COL4A5: variants seen among roughly 807,000 people sequenced by gnomAD.
COL4A5 encodes the protein collagen alpha-5(IV) chain.
In COL4A5, 26 loss-of-function variants were observed where a neutral mutation model predicts 130.2. That is an observed-to-expected ratio of 0.20 (90% CI 0.15 to 0.28). The LOEUF (loss-of-function observed/expected upper bound fraction) is 0.28, where lower values mean the gene tolerates loss of function less well. Among genes scored for constraint, COL4A5 ranks in the 10% least tolerant of loss-of-function variants. The pLI is 1.00. For synonymous variants in COL4A5, 496 were observed against 439.6 expected (o/e 1.13, Z -1.60); for missense variants, 1,131 against 1,344.3 (o/e 0.84, Z 2.48).
chrX:108,488,458 C>T (rs1345926563), intron 1 of COL4A5, among the ~76,000 whole-genome samples: 1 of 112,202 alleles, frequency 8.9e-6, no homozygotes, highest in Non-Finnish European at 1.9e-5. Flanking sequence ...AGAAATGGAG[C>T]TGTTGGGTTG....
chrX:108,522,362 G>A (rs143771638), intron 1 of COL4A5, among the ~76,000 whole-genome samples: 4,391 of 106,304 alleles, frequency 0.041, 228 homozygotes, highest in African/African-American at 0.14. Context: ...GGAACTGCCC[G>A]ACTTTTATAA....
At chrX:108,613,066 A>C (rs1170538726) in intron 29 of COL4A5, among the ~76,000 whole-genome samples, 1 of 112,203 alleles carries the variant, frequency 8.9e-6, no homozygotes, top group Non-Finnish European at 1.9e-5. Context: ...TATGCAAAAA[A>C]AAATATAAAC....
intron 17 of COL4A5, 131 bp from the exon 18 acceptor site, chrX:108,584,353 T>C: frequency 1.8e-6 from 1 of 555,738 alleles, no homozygotes; most frequent in South Asian, 2.7e-5. Flanking sequence ...CATTACTTCA[T>C]GTTGCATTTC....
intron 47 of COL4A5, 63 bp downstream of exon 47, chrX:108,681,951 G>C: frequency 9.5e-7 from 1 of 1,053,120 alleles, no homozygotes; most frequent in African/African-American, 1.8e-5. Context: ...TACATGTGCA[G>C]AATGTACAGG....
chrX:108,572,473 T>A (rs1177627003), intron 8 of COL4A5, among the ~76,000 whole-genome samples: 1 of 111,531 alleles, frequency 9.0e-6, no homozygotes, highest in Non-Finnish European at 1.9e-5. Flanking sequence ...ATATGTTATG[T>A]ACACTTTTAC....
intron 47 of COL4A5, among the ~76,000 whole-genome samples, 155 bp from the exon 48 acceptor site, chrX:108,685,876 T>G (rs1168281489): frequency 1.8e-5 from 2 of 112,349 alleles, no homozygotes; most frequent in Non-Finnish European, 3.8e-5. Context: ...CTTGTTGGCT[T>G]CTTTGGTCCT....
At chrX:108,574,417 G>T (rs1423741769) in intron 9 of COL4A5, among the ~76,000 whole-genome samples, 1 of 111,355 alleles carries the variant, frequency 9.0e-6, no homozygotes, top group Non-Finnish European at 1.9e-5. Flanking sequence ...CAAAATATAT[G>T]TATGTTATGA....
intron 17 of COL4A5, 35 bp downstream of exon 17, chrX:108,582,972 G>T (rs1437901169): frequency 9.2e-7 from 1 of 1,083,858 alleles, no homozygotes; most frequent in African/African-American, 1.8e-5. Flanking sequence ...GACTGGTTTA[G>T]TCTAGCTAAA....
At chrX:108,606,039 C>T (rs921676243) in intron 28 of COL4A5, among the ~76,000 whole-genome samples, 3 of 111,634 alleles carry the variant, frequency 2.7e-5, no homozygotes, top group South Asian at 3.7e-4. Context: ...TTTATCTCTG[C>T]GTCATTGATT....
chrX:108,564,464 G>T (rs1278467406), intron 4 of COL4A5, among the ~76,000 whole-genome samples: 1 of 111,959 alleles, frequency 8.9e-6, no homozygotes, highest in Non-Finnish European at 1.9e-5. Flanking sequence ...CAAGTCTTGA[G>T]GCTCTGAAAA....
chrX:108,609,765 G>T (rs2066797090), intron 29 of COL4A5, among the ~76,000 whole-genome samples: 2 of 110,721 alleles, frequency 1.8e-5, no homozygotes, highest in African/African-American at 6.5e-5. Flanking sequence ...AGCATCATTT[G>T]TTTAAAATAA....
intron 50 of COL4A5, 96 bp from the exon 51 acceptor site, chrX:108,694,711 C>G: frequency 1.6e-6 from 1 of 640,194 alleles, no homozygotes; most frequent in South Asian, 2.2e-5. Flanking sequence ...AGACATTAAT[C>G]GGCTTCCATA....
chrX:108,573,601 T>C lies in COL4A5; in HGVS notation c.493T>C (p.Ser165Pro), dbSNP rs757322275. 1 of 1,205,111 alleles carries C rather than the reference T, an allele frequency of 8.3e-7. No individual in the cohort carries two copies. The stretch of plus-strand genomic sequence containing the variant: ...TGAACCAGGTAGTATAATTATGTCA[T>C]CACTGCCAGGACCAAAGGGTAATCC... ...KGEPGSIIMS[S>P]LPGPKGNPGY... is the part of the protein sequence containing the mutation. Residue 165 changes from serine to proline, a missense_variant, in exon 9 of 53, where the codon TCA becomes CCA. Physicochemically the swap from Ser to Pro is moderately conservative, Grantham distance 74. Transcript: ENST00000328300.
rs1298600148 is a variant in COL4A5 at position 108,451,290 on chromosome X, T to C, written c.81+11084T>C. 5.4e-5 allele frequency among the ~76,000 whole-genome samples: 6 copies of C among 110,462 alleles called. No homozygotes were observed. The Admixed American group carries it at 5.8e-4, about 11-fold the overall frequency. ...TCCAAGTCTTTGCTATTGTGAATAG[T>C]GCTGCAATAAACATACGTGTGCATG... is the stretch of plus-strand genomic sequence containing the variant. On this transcript the variant is annotated intron_variant, in intron 1 of 52. Coordinates refer to ENST00000328300, the MANE Select transcript of COL4A5 (RefSeq NM_033380.3).
At chrX:108,693,469 C>G (rs55888818) in intron 50 of COL4A5, 70 of 115,189 alleles carry the variant, frequency 6.1e-4, no homozygotes, top group Non-Finnish European at 1.1e-3. Context: ...TAGCTTGGGC[C>G]CAGATGGTAG....
At chrX:108,548,493 C>T (rs1341146394) in intron 2 of COL4A5, among the ~76,000 whole-genome samples, 1 of 110,653 alleles carries the variant, frequency 9.0e-6, no homozygotes, top group African/African-American at 3.3e-5. Context: ...TGGTCTAATA[C>T]AAATATAAAT....
At chrX:108,527,699 G>A (rs1415094909) in intron 1 of COL4A5, among the ~76,000 whole-genome samples, 1 of 111,589 alleles carries the variant, frequency 9.0e-6, no homozygotes. Flanking sequence ...AGCACAAGCC[G>A]CAGAGCCGAG....
At chrX:108,681,242 C>G (rs2068422455) in intron 46 of COL4A5, among the ~76,000 whole-genome samples, 2 of 111,228 alleles carry the variant, frequency 1.8e-5, no homozygotes, top group African/African-American at 6.5e-5. Flanking sequence ...GAACAGATCA[C>G]AAGAGCAAGT....
At chrX:108,671,020 C>T (rs1260469107) in intron 42 of COL4A5, among the ~76,000 whole-genome samples, 2 of 110,014 alleles carry the variant, frequency 1.8e-5, no homozygotes, top group African/African-American at 6.6e-5. Context: ...GCAGCCAGGG[C>T]GAGACTAATA....
Sources: gnomAD v4.1 joint callset for allele counts (sites outside exome capture counted in the v4.1 genomes callset) on GRCh38, gnomAD v4.1.1 for gene constraint, MANE v1.5 for transcripts, NCBI Gene and HGNC (gene_info 2026-07-23, HGNC 2026-07-21) for gene names.